The following FANCC variants were observed in gnomAD, a reference collection of about 807,000 sequenced individuals.
The protein encoded by FANCC is FA complementation group C, also known as Fanconi anemia group C protein.
A neutral mutation model predicts 71.3 loss-of-function variants in FANCC; 55 were observed. The observed-to-expected ratio is 0.77, with a 90% CI of 0.62 to 0.97. FANCC has a LOEUF of 0.97. Ranked by LOEUF, FANCC falls within the 50% of genes least tolerant of loss-of-function variation. The pLI is 0.00. For missense variants in FANCC, 678 were observed against 670.9 expected, an observed-to-expected ratio of 1.01 and a Z score of -0.12; for synonymous variants, 275 against 244.9, an observed-to-expected ratio of 1.12 and a Z score of -1.15.
At chr9:95,260,527 C>T (rs912177438) in intron 1 of FANCC, among the ~76,000 whole-genome samples, 12 of 152,016 alleles carry the variant, frequency 7.9e-5, no homozygotes, top group South Asian at 2.1e-4. Context: ...CATCACACAC[C>T]GGGGCCTGTC....
chr9:95,316,483 C>T (rs1835747594), intron 1 of FANCC, among the ~76,000 whole-genome samples: 1 of 152,172 alleles, frequency 6.6e-6, no homozygotes, highest in Non-Finnish European at 1.5e-5. Context: ...TGAGTGACAG[C>T]CACAAAGAGC....
At chr9:95,308,456 T>TC (rs1320011278) in intron 1 of FANCC, among the ~76,000 whole-genome samples, 4 of 151,290 alleles carry the variant, frequency 2.6e-5, no homozygotes, top group East Asian at 2.0e-4. Context: ...GCTAGTTTTT[T>TC]TTGTATTTTT....
chr9:95,182,105 AAGAC>A (rs1173413909), intron 4 of FANCC, among the ~76,000 whole-genome samples: 4 of 152,160 alleles, frequency 2.6e-5, no homozygotes, highest in South Asian at 2.1e-4. Flanking sequence ...TTCTCAAACT[AAGAC>A]AGAGCACGTA....
intron 6 of FANCC, among the ~76,000 whole-genome samples, chr9:95,168,784 C>T (rs1028838959): frequency 6.6e-6 from 1 of 152,330 alleles, no homozygotes; most frequent in South Asian, 2.1e-4. Context: ...CTACTTCAGC[C>T]TCCCAAAGTG....
chr9:95,226,283 T>A (rs547382564), intron 4 of FANCC, among the ~76,000 whole-genome samples: 10 of 152,320 alleles, frequency 6.6e-5, no homozygotes, highest in East Asian at 5.8e-4. Flanking sequence ...TATAAAAAAA[T>A]TTTCCACAAT....
chr9:95,262,904 A>G (rs941668628), intron 1 of FANCC, among the ~76,000 whole-genome samples: 1 of 152,228 alleles, frequency 6.6e-6, no homozygotes, highest in Non-Finnish European at 1.5e-5. Context: ...AGGTACCTAC[A>G]ATAGTCAAAT....
At chr9:95,315,059 C>T (rs1835659220) in intron 1 of FANCC, among the ~76,000 whole-genome samples, 1 of 152,184 alleles carries the variant, frequency 6.6e-6, no homozygotes, top group Non-Finnish European at 1.5e-5. Flanking sequence ...TCAAAACTTA[C>T]TATAAAGCTG....
intron 1 of FANCC, among the ~76,000 whole-genome samples, chr9:95,312,647 T>A (rs776116438): frequency 6.6e-6 from 1 of 152,246 alleles, no homozygotes; most frequent in African/African-American, 2.4e-5. Flanking sequence ...TAAGTCACCA[T>A]GCCCAGTCAA....
intron 1 of FANCC, among the ~76,000 whole-genome samples, chr9:95,304,923 T>C (rs1009773559): frequency 2.0e-5 from 3 of 152,130 alleles, no homozygotes; most frequent in African/African-American, 7.2e-5. Flanking sequence ...CAGATTACAA[T>C]ATGGTACTTG....
chr9:95,206,833 T>G (rs187963982), intron 4 of FANCC, among the ~76,000 whole-genome samples: 1 of 152,266 alleles, frequency 6.6e-6, no homozygotes, highest in Admixed American at 6.5e-5. Context: ...TAACAAAAAT[T>G]TGCTTTCCAT....
At chr9:95,137,380 G>A (rs1349019232) in intron 7 of FANCC, among the ~76,000 whole-genome samples, 1 of 152,114 alleles carries the variant, frequency 6.6e-6, no homozygotes, top group Non-Finnish European at 1.5e-5. Flanking sequence ...AGGGGGAAGG[G>A]AGAAGGGAGG....
At chr9:95,158,729 C>T (rs1830580178) in intron 6 of FANCC, among the ~76,000 whole-genome samples, 2 of 152,260 alleles carry the variant, frequency 1.3e-5, no homozygotes, top group Admixed American at 1.3e-4. Context: ...TCTTGAACTT[C>T]CAGAGAGTAT....
At chr9:95,210,149 T>C (rs1357413002) in intron 4 of FANCC, among the ~76,000 whole-genome samples, 1 of 152,176 alleles carries the variant, frequency 6.6e-6, no homozygotes, top group African/African-American at 2.4e-5. Context: ...AATTAATATA[T>C]ATTATTTATG....
At chr9:95,256,126 T>A (rs1277791629) in intron 1 of FANCC, among the ~76,000 whole-genome samples, 1 of 152,178 alleles carries the variant, frequency 6.6e-6, no homozygotes, top group Admixed American at 6.5e-5. Flanking sequence ...CTTCAGGGTA[T>A]CATCCAGGAG....
At chr9:95,306,741 T>A (rs564768958) in intron 1 of FANCC, among the ~76,000 whole-genome samples, 1 of 152,314 alleles carries the variant, frequency 6.6e-6, no homozygotes, top group African/African-American at 2.4e-5. Flanking sequence ...TTAAAAGCTG[T>A]ACACACACAA....
rs182437703 is a variant in FANCC at position 95,220,591 on chromosome 9, C to T, written c.345+20058G>A. On this transcript the variant is annotated intron_variant, in intron 4 of 14. Coordinates refer to ENST00000289081, the MANE Select transcript of FANCC (RefSeq NM_000136.3). ...TAGGGACATGGATGAAGCTGGAAAC[C>T]ATCATTCTGAGCAAGCTACCACAAG... Among the ~76,000 whole-genome samples the T allele has an allele frequency of 5.9e-5, 9 of 152,222 alleles. No individual in the cohort carries two copies. The East Asian group carries it at 1.5e-3, about 26-fold the overall frequency.
At chr9:95,236,605 T>C (rs1299906010) in intron 4 of FANCC, among the ~76,000 whole-genome samples, 1 of 152,204 alleles carries the variant, frequency 6.6e-6, no homozygotes, top group Non-Finnish European at 1.5e-5. Context: ...AAAATACAAC[T>C]CAGTCTATCA....
chr9:95,289,391 A>T (rs1019365173), intron 1 of FANCC, among the ~76,000 whole-genome samples: 1 of 152,136 alleles, frequency 6.6e-6, no homozygotes, highest in African/African-American at 2.4e-5. Flanking sequence ...AAGAACTGAA[A>T]AACCACACAA....
Position 95,147,692 on chromosome 9 carries a change from T to G in FANCC, c.686+2231A>C, listed in dbSNP as rs142180528. On this transcript the variant is annotated intron_variant, in intron 7 of 14. Coordinates refer to ENST00000289081, the MANE Select transcript of FANCC (RefSeq NM_000136.3). ...GTTAATGATTTACCTTATTGTGTCT[T>G]ATGCAACAATATTTTGAATACTGTT... Among the ~76,000 whole-genome samples, 821 of 152,342 alleles carry G rather than the reference T, an allele frequency of 5.4e-3. 11 individuals carry two copies. The highest frequency in any genetic ancestry group is 0.018 in the African/African-American group (767 of 41,572).
Sources: gnomAD v4.1 joint callset for allele counts (sites outside exome capture counted in the v4.1 genomes callset) on GRCh38, gnomAD v4.1.1 for gene constraint, MANE v1.5 for transcripts, NCBI Gene and HGNC (gene_info 2026-07-23, HGNC 2026-07-21) for gene names.